The following TTC29 variants were observed in gnomAD, a reference collection of about 807,000 sequenced individuals.
The protein encoded by TTC29 is tetratricopeptide repeat domain 29.
A neutral mutation model predicts 58.1 loss-of-function variants in TTC29; 49 were observed. The observed-to-expected ratio is 0.84, with a 90% CI of 0.67 to 1.07. TTC29 has a LOEUF of 1.07. TTC29 is among the 50% of genes least tolerant of loss of function. The probability of loss-of-function intolerance (pLI) is 0.00; values close to 1 mark genes in which losing one functional copy is unlikely to be tolerated. For synonymous variants in TTC29, 209 were observed against 196.8 expected, an observed-to-expected ratio of 1.06 and a Z score of -0.52; for missense variants, 582 against 555.6, an observed-to-expected ratio of 1.05 and a Z score of -0.48.
At chr4:146,934,864 A>G (rs919446451) in intron 4 of TTC29, among the ~76,000 whole-genome samples, 1 of 152,180 alleles carries the variant, frequency 6.6e-6, no homozygotes, top group African/African-American at 2.4e-5. Flanking sequence ...AATAGGGGTC[A>G]TGGGTGACCC....
At chr4:146,793,408 C>T (rs1014281584) in intron 11 of TTC29, among the ~76,000 whole-genome samples, 1 of 152,166 alleles carries the variant, frequency 6.6e-6, no homozygotes, top group Non-Finnish European at 1.5e-5. Context: ...ATGATTATGA[C>T]TTGCCGTAGG....
chr4:146,821,985 G>GTTTT (rs34100285), intron 9 of TTC29, among the ~76,000 whole-genome samples: 10 of 109,576 alleles, frequency 9.1e-5, no homozygotes, highest in East Asian at 2.6e-4. Context: ...CATGTCTAGT[G>GTTTT]TTTTTTTTTT....
intron 6 of TTC29, among the ~76,000 whole-genome samples, chr4:146,891,337 T>C (rs1472885702): frequency 6.6e-6 from 1 of 152,232 alleles, no homozygotes; most frequent in Non-Finnish European, 1.5e-5. Context: ...ATTTCCAATG[T>C]GCTTTCTAGG....
chr4:146,909,738 TTTAA>T (rs1256033029), intron 4 of TTC29, among the ~76,000 whole-genome samples: 1 of 152,218 alleles, frequency 6.6e-6, no homozygotes, highest in African/African-American at 2.4e-5. Flanking sequence ...CTATATATTT[TTTAA>T]TTACTTTCAG....
chr4:146,722,505 T>C (rs1276383269), intron 11 of TTC29, among the ~76,000 whole-genome samples: 3 of 151,908 alleles, frequency 2.0e-5, no homozygotes, highest in Non-Finnish European at 4.4e-5. Flanking sequence ...ATGGAGAACC[T>C]GAAAATAAAG....
chr4:146,919,211 C>T (rs1024420283), intron 4 of TTC29, among the ~76,000 whole-genome samples: 1 of 151,096 alleles, frequency 6.6e-6, no homozygotes, highest in African/African-American at 2.4e-5. Context: ...TACAACACGA[C>T]TCCAAACACC....
At chr4:146,925,823 G>T (rs957061442) in intron 4 of TTC29, among the ~76,000 whole-genome samples, 1 of 152,152 alleles carries the variant, frequency 6.6e-6, no homozygotes, top group African/African-American at 2.4e-5. Flanking sequence ...ATCCAGGGTA[G>T]TCCTGGAAAT....
chr4:146,727,961 G>A lies in TTC29; in HGVS notation c.1331-20410C>T, dbSNP rs552721018. Among the ~76,000 whole-genome samples, 167 of 152,084 alleles carry A rather than the reference G, an allele frequency of 1.1e-3. 1 individual carries two copies. Among genetic ancestry groups the A allele is most frequent in the Non-Finnish European group, 1.2e-3 (82 of 67,998 alleles). ...TTGATAATTCTCTTTTAGTACATAC[G>A]GAGTTGCTTCATTCATTGCTAACTG... is the stretch of plus-strand genomic sequence containing the variant. On this transcript the variant is annotated intron_variant, in intron 11 of 12. Coordinates refer to ENST00000325106, the MANE Select transcript of TTC29 (RefSeq NM_031956.4).
intron 11 of TTC29, among the ~76,000 whole-genome samples, chr4:146,768,410 G>T (rs1281881441): frequency 6.6e-6 from 1 of 151,992 alleles, no homozygotes; most frequent in Non-Finnish European, 1.5e-5. Flanking sequence ...TGAAAAGTCA[G>T]AAGCAAAACA....
At position 146,868,289 on chromosome 4, in the gene TTC29, G is replaced by C. The variant is rs189947157; in HGVS notation, c.800-706C>G. Among the ~76,000 whole-genome samples, 504 of 152,060 alleles carry C rather than the reference G, an allele frequency of 3.3e-3. 2 individuals carry two copies. The highest frequency in any genetic ancestry group is 0.02 in the Middle Eastern group (6 of 294). ...CTAATGTTAAATGACGAGTTAATGG[G>C]TGCAGCACACCAGCATGGCACCTGT... is the stretch of plus-strand genomic sequence containing the variant. On this transcript the variant is annotated intron_variant, in intron 7 of 12. Coordinates refer to ENST00000325106, the MANE Select transcript of TTC29 (RefSeq NM_031956.4).
chr4:146,872,641 A>T (rs1243402268), intron 7 of TTC29, among the ~76,000 whole-genome samples: 1 of 152,094 alleles, frequency 6.6e-6, no homozygotes, highest in African/African-American at 2.4e-5. Context: ...AAAAATGCTC[A>T]ATGTTACGGG....
At chr4:146,858,098 G>C (rs1316418527) in intron 8 of TTC29, among the ~76,000 whole-genome samples, 1 of 152,162 alleles carries the variant, frequency 6.6e-6, no homozygotes, top group African/African-American at 2.4e-5. Context: ...AGTGATAATG[G>C]TATCTTACAG....
chr4:146,816,581 C>A lies in TTC29; in HGVS notation c.1101+3544G>T, dbSNP rs186513388. On this transcript the variant is annotated intron_variant, in intron 10 of 12. Transcript: ENST00000325106. ...GGGGTCAGAGAGCAAGGAGGAGGGA[C>A]GAGAAGGAAGGATGCAGGACAGGAG... Among the ~76,000 whole-genome samples, 4 of 151,114 alleles carry A rather than the reference C, an allele frequency of 2.6e-5. 1 individual carries two copies. The highest frequency in any genetic ancestry group is 2.6e-4 in the Admixed American group (4 of 15,150).
chr4:146,841,265 G>T (rs1191342992), intron 8 of TTC29, among the ~76,000 whole-genome samples: 1 of 152,094 alleles, frequency 6.6e-6, no homozygotes, highest in Non-Finnish European at 1.5e-5. Flanking sequence ...AAGTTTTCAA[G>T]ATTTTATTCA....
At chr4:146,886,329 A>G (rs1181197158) in intron 6 of TTC29, among the ~76,000 whole-genome samples, 2 of 152,074 alleles carry the variant, frequency 1.3e-5, no homozygotes, top group Non-Finnish European at 2.9e-5. Context: ...AATCCGTCCA[A>G]TCCTGTCTCT....
chr4:146,789,620 C>T (rs1385742982), intron 11 of TTC29, among the ~76,000 whole-genome samples: 1 of 152,032 alleles, frequency 6.6e-6, no homozygotes, highest in South Asian at 2.1e-4. Context: ...TCTTAAAAAC[C>T]TTCTACTTAT....
chr4:146,715,029 G>T (rs1419193438), intron 11 of TTC29, among the ~76,000 whole-genome samples: 1 of 151,892 alleles, frequency 6.6e-6, no homozygotes, highest in African/African-American at 2.4e-5. Flanking sequence ...GTAGAGATGG[G>T]ATCTTGTTTC....
At chr4:146,938,508 A>G (rs1247432766) in intron 3 of TTC29, among the ~76,000 whole-genome samples, 1 of 152,208 alleles carries the variant, frequency 6.6e-6, no homozygotes, top group Non-Finnish European at 1.5e-5. Flanking sequence ...TCCTTTAAAA[A>G]GACAGAAAGA....
At chr4:146,854,030 C>A (rs1729677210) in intron 8 of TTC29, among the ~76,000 whole-genome samples, 1 of 152,202 alleles carries the variant, frequency 6.6e-6, no homozygotes, top group Non-Finnish European at 1.5e-5. Flanking sequence ...TGCACCAGCT[C>A]CCTCATCCCT....
Sources: allele counts gnomAD v4.1 joint callset (sites outside exome capture counted in the v4.1 genomes callset), GRCh38; gene constraint gnomAD v4.1.1; transcripts MANE v1.5; gene names NCBI Gene and HGNC (gene_info 2026-07-23, HGNC 2026-07-21).